Variants in OTUB2 observed in about 807,000 individuals in gnomAD.
OTUB2 encodes OTU deubiquitinase, ubiquitin aldehyde binding 2.
A neutral mutation model predicts 25.1 loss-of-function variants in OTUB2; 21 were observed. The observed-to-expected ratio is 0.84, with a 90% CI of 0.59 to 1.21. The LOEUF is 1.21. OTUB2 is among the 50% of genes most tolerant of loss of function. The pLI is 0.00. For missense variants in OTUB2, 283 were observed against 298.0 expected, an observed-to-expected ratio of 0.95 and a Z score of 0.37; for synonymous variants, 122 against 122.8, an observed-to-expected ratio of 0.99 and a Z score of 0.04.
chr14:94,045,746 C>G lies in OTUB2; in HGVS notation c.529C>G (p.His177Asp), dbSNP rs763876814. ...AGAGCCCATGGCCACGGAGTGTGAC[C>G]ACATCCAGATCACGGCGTTGTCGCA... ...EVEPMATECDHIQITALSQAL... is the reference protein window; with the variant it reads ...EVEPMATECDDIQITALSQAL... The change falls in exon 6 of 6, where the codon CAC becomes GAC. Residue 177 changes from histidine to aspartate, a missense_variant. Coordinates refer to ENST00000203664, the MANE Select transcript of OTUB2 (RefSeq NM_023112.4). 1 of 1,614,176 alleles carries G rather than the reference C, an allele frequency of 6.2e-7. No homozygotes were observed. The highest frequency in any genetic ancestry group is 8.5e-7 in the Non-Finnish European group (1 of 1,180,030).
intron 1 of OTUB2, among the ~76,000 whole-genome samples, chr14:94,028,058 G>C (rs1389780636): frequency 2.0e-5 from 3 of 152,248 alleles, no homozygotes; most frequent in Non-Finnish European, 2.9e-5. Flanking sequence ...GTGCCATGCA[G>C]TGAGGCCGCT....
At chr14:94,027,235 A>G (rs1045952537) in intron 1 of OTUB2, among the ~76,000 whole-genome samples, 5 of 152,212 alleles carry the variant, frequency 3.3e-5, no homozygotes, top group African/African-American at 1.2e-4. Context: ...GAGGCCAGAC[A>G]GGGCAGGGCT....
intron 3 of OTUB2, among the ~76,000 whole-genome samples, chr14:94,041,647 C>A (rs370838043): frequency 1.3e-5 from 2 of 152,152 alleles, no homozygotes; most frequent in African/African-American, 4.8e-5. Context: ...CTGACACCAA[C>A]GCCCTCCACA....
intron 4 of OTUB2, among the ~76,000 whole-genome samples, chr14:94,044,283 G>A (rs1471723249): frequency 1.3e-5 from 2 of 152,160 alleles, no homozygotes; most frequent in African/African-American, 4.8e-5. Flanking sequence ...GCGGGATCGA[G>A]GACTCTCAGA....
At chr14:94,042,788 C>T (rs960900860) in intron 3 of OTUB2, among the ~76,000 whole-genome samples, 26 of 152,212 alleles carry the variant, frequency 1.7e-4, no homozygotes, top group Admixed American at 2.6e-4. Context: ...GTGGAGGCCT[C>T]GTCCTCCCAG....
At position 94,037,367 on chromosome 14, in the gene OTUB2, C is replaced by T; in HGVS notation, c.4-13C>T. Reference sequence around the variant, plus strand: ...GAAATTGTCACAGCATTTCTTCCTTCCCTATCTTTCAGAGTGAAACATCTT... The same window carrying T: ...GAAATTGTCACAGCATTTCTTCCTTTCCTATCTTTCAGAGTGAAACATCTT... On this transcript the variant is annotated splice_polypyrimidine_tract_variant and intron_variant, in intron 1 of 5. Coordinates refer to ENST00000203664, the MANE Select transcript of OTUB2 (RefSeq NM_023112.4). The T allele has an allele frequency of 6.5e-7, 1 of 1,547,536 alleles. No individual in the cohort carries two copies. The highest frequency in any genetic ancestry group is 8.9e-7 in the Non-Finnish European group (1 of 1,122,220).
At chr14:94,036,222 T>C (rs556152359) in intron 1 of OTUB2, among the ~76,000 whole-genome samples, 2 of 152,258 alleles carry the variant, frequency 1.3e-5, no homozygotes, top group South Asian at 4.1e-4. Context: ...AAGGCCACTG[T>C]GGCCGGTGTG....
chr14:94,034,340 G>A (rs1356987467), intron 1 of OTUB2, among the ~76,000 whole-genome samples: 2 of 152,222 alleles, frequency 1.3e-5, no homozygotes, highest in African/African-American at 2.4e-5. Context: ...CTCAGGGGCA[G>A]GAGGTGGGGA....
At chr14:94,026,584 C>A (rs1258605650) in intron 1 of OTUB2, 44 bp downstream of exon 1, 2 of 496,068 alleles carry the variant, frequency 4.0e-6, no homozygotes, top group African/African-American at 2.1e-5. Context: ...GGGCAGGGGG[C>A]GCGGTGGGCG....
intron 1 of OTUB2, among the ~76,000 whole-genome samples, chr14:94,028,854 G>A (rs1204960119): frequency 6.6e-6 from 1 of 152,216 alleles, no homozygotes; most frequent in Non-Finnish European, 1.5e-5. Flanking sequence ...TTCTGCAGAG[G>A]AGGTCTTTTG....
rs1398028982 is a variant in OTUB2, at chr14:94,047,089, G to A, written c.*1167G>A. On this transcript the variant is annotated 3_prime_UTR_variant, in exon 6 of 6. Coordinates refer to ENST00000203664, the MANE Select transcript of OTUB2 (RefSeq NM_023112.4). ...GGCTGGCCGGCAAGATGGCACCAGT[G>A]GGGACCCACACCCTGGCTGGGCAGA... is the stretch of plus-strand genomic sequence containing the variant. The A allele has an allele frequency of 6.6e-6, 1 of 152,238 alleles. No homozygotes were observed. Among genetic ancestry groups the A allele is most frequent in the African/African-American group, 2.4e-5 (1 of 41,438 alleles). 9.4% of individuals were successfully genotyped at this position (152,238 alleles called of 1,614,324 possible). A position where few individuals can be genotyped will look rare whatever the true frequency, so the allele number is the denominator to read the frequency against.
At chr14:94,037,577 C>T in intron 2 of OTUB2, 102 bp downstream of exon 2, 1 of 671,902 alleles carries the variant, frequency 1.5e-6, no homozygotes. Flanking sequence ...GGGCCAGGTT[C>T]CTGGGCAAAT....
rs1347021666 is a variant in OTUB2, at chr14:94,044,727, T to C, written c.445T>C (p.Phe149Leu). 1.2e-6 allele frequency: 2 copies of C among 1,613,962 alleles called. No homozygotes were observed. Among genetic ancestry groups the C allele is most frequent in the East Asian group, 4.5e-5 (2 of 44,886 alleles). The stretch of plus-strand genomic sequence containing the variant: ...GGCCTTCATCAGGAACCGAGCAGAC[T>C]TCTTCCGGCACTTCATTGATGAGGA... ...TSAFIRNRAD[F>L]FRHFIDEEMD... The change falls in exon 5 of 6, where the codon TTC becomes CTC. Residue 149 changes from phenylalanine to leucine, a missense_variant. Transcript: ENST00000203664.
At position 94,046,228 on chromosome 14, in the gene OTUB2, G is replaced by T. The variant is rs1885272955; in HGVS notation, c.*306G>T. Reference sequence around the variant, plus strand: ...GGACTTGTTTCTTCAACTGGAGGAGGTCCCTGCCTATGCTGACATTCCATT... The same window carrying T: ...GGACTTGTTTCTTCAACTGGAGGAGTTCCCTGCCTATGCTGACATTCCATT... On this transcript the variant is annotated 3_prime_UTR_variant, in exon 6 of 6. Coordinates refer to ENST00000203664, the MANE Select transcript of OTUB2 (RefSeq NM_023112.4). 8.3e-6 allele frequency: 4 copies of T among 483,616 alleles called. No homozygotes were observed. The highest frequency in any genetic ancestry group is 1.5e-5 in the Non-Finnish European group (4 of 266,914). The allele number at this position is 483,616 out of a possible 1,614,324, so 30.0% of individuals were successfully genotyped here. A position where few individuals can be genotyped will look rare whatever the true frequency, so the allele number is the denominator to read the frequency against.
chr14:94,043,943 G>T, intron 3 of OTUB2, 28 bp from the exon 4 acceptor site: 4 of 1,602,456 alleles, frequency 2.5e-6, no homozygotes, highest in Non-Finnish European at 3.4e-6. Context: ...GTGTTTCCCT[G>T]TAAACACTCA....
chr14:94,028,335 C>T (rs968529389), intron 1 of OTUB2, among the ~76,000 whole-genome samples: 2 of 152,212 alleles, frequency 1.3e-5, no homozygotes, highest in Admixed American at 6.5e-5. Flanking sequence ...TTATGTTGAA[C>T]TTGCATTGTG....
intron 3 of OTUB2, among the ~76,000 whole-genome samples, 160 bp from the exon 4 acceptor site, chr14:94,043,811 G>C (rs745692931): frequency 6.6e-6 from 1 of 152,226 alleles, no homozygotes; most frequent in South Asian, 2.1e-4. Flanking sequence ...AGATGTGCAC[G>C]GTGCATGTGG....
intron 3 of OTUB2, among the ~76,000 whole-genome samples, chr14:94,043,116 A>G (rs946816966): frequency 6.6e-6 from 1 of 152,076 alleles, no homozygotes; most frequent in Non-Finnish European, 1.5e-5. Context: ...CTCCCTCCTC[A>G]CTGCCCCCTG....
chr14:94,045,531 C>T (rs1478209493), intron 5 of OTUB2, among the ~76,000 whole-genome samples, 185 bp from the exon 6 acceptor site: 3 of 151,368 alleles, frequency 2.0e-5, no homozygotes, highest in African/African-American at 7.4e-5. Context: ...TCTAGCTATG[C>T]TGCCTCTCAA....
Sources: gnomAD v4.1 joint callset for allele counts (sites outside exome capture counted in the v4.1 genomes callset) on GRCh38, gnomAD v4.1.1 for gene constraint, MANE v1.5 for transcripts, NCBI Gene and HGNC (gene_info 2026-07-23, HGNC 2026-07-21) for gene names.